Variants in RECK observed in about 807,000 individuals in gnomAD.
RECK encodes the protein reversion inducing cysteine rich protein with kazal motifs, also known as reversion-inducing cysteine-rich protein with Kazal motifs.
In RECK, 69 loss-of-function variants were observed where a neutral mutation model predicts 115.1. That is an observed-to-expected ratio of 0.60 (90% CI 0.49 to 0.73). RECK has a LOEUF of 0.73. Ranked by LOEUF, RECK falls within the 30% of genes least tolerant of loss-of-function variation. The pLI is 0.00. For missense variants in RECK, 1,047 were observed against 1,203.7 expected, an observed-to-expected ratio of 0.87 and a Z score of 1.93; for synonymous variants, 414 against 419.7, an observed-to-expected ratio of 0.99 and a Z score of 0.17.
At chr9:36,067,500 A>G (rs1822054165) in intron 6 of RECK, among the ~76,000 whole-genome samples, 1 of 152,164 alleles carries the variant, frequency 6.6e-6, no homozygotes, top group Non-Finnish European at 1.5e-5. Flanking sequence ...GGGATTTGCT[A>G]AGAAATTTAC....
chr9:36,068,335 A>C (rs1177271880), intron 6 of RECK, among the ~76,000 whole-genome samples: 1 of 152,226 alleles, frequency 6.6e-6, no homozygotes, highest in Non-Finnish European at 1.5e-5. Flanking sequence ...GATGGATTGA[A>C]TATAGATGGT....
chr9:36,107,861 A>G lies in RECK; in HGVS notation c.1577-115A>G, dbSNP rs1040952844. The G allele has an allele frequency of 3.3e-5, 23 of 701,164 alleles. No homozygotes were observed. The African/African-American group carries it at 3.9e-4, about 12-fold the overall frequency. The allele number at this position is 701,164 out of a possible 1,614,324, so 43.4% of individuals were successfully genotyped here. ...CTTAATTTGGTGAAAGTTCTATTAC[A>G]TAATCTTTAATAGTGATTTAGTACC... On this transcript the variant is annotated intron_variant, in intron 13 of 20. Transcript: ENST00000377966.
At chr9:36,077,119 A>T (rs1822481301) in intron 6 of RECK, among the ~76,000 whole-genome samples, 1 of 152,128 alleles carries the variant, frequency 6.6e-6, no homozygotes, top group African/African-American at 2.4e-5. Context: ...GTTTTGACCT[A>T]TTCTTGACTA....
chr9:36,069,266 G>A (rs1408639360), intron 6 of RECK, among the ~76,000 whole-genome samples: 1 of 152,080 alleles, frequency 6.6e-6, no homozygotes, highest in Non-Finnish European at 1.5e-5. Flanking sequence ...CAGGCCGGGT[G>A]CGGTGGCTCA....
At chr9:36,120,091 C>T (rs1478559678) in intron 18 of RECK, among the ~76,000 whole-genome samples, 2 of 151,972 alleles carry the variant, frequency 1.3e-5, no homozygotes, top group Middle Eastern at 3.4e-3. Flanking sequence ...AAAAATTAGC[C>T]GGGCATGGTG....
At chr9:36,048,853 C>T (rs1821175120) in intron 1 of RECK, among the ~76,000 whole-genome samples, 1 of 152,142 alleles carries the variant, frequency 6.6e-6, no homozygotes. Flanking sequence ...TCAGCATCTA[C>T]CCCGCAAGTT....
chr9:36,109,428 A>C (rs977540264), intron 14 of RECK, among the ~76,000 whole-genome samples: 12 of 152,224 alleles, frequency 7.9e-5, no homozygotes, highest in African/African-American at 2.9e-4. Flanking sequence ...ACATTCTTAG[A>C]GGATAGGGAG....
intron 1 of RECK, 65 bp from the exon 2 acceptor site, chr9:36,052,200 C>G (rs1821333943): frequency 2.1e-6 from 2 of 944,646 alleles, no homozygotes; most frequent in Non-Finnish European, 3.5e-6. Context: ...GTGTAACCAT[C>G]TGAATTAGCT....
Position 36,121,804 on chromosome 9 carries a change from T to C in RECK, c.2694+116T>C. On this transcript the variant is annotated intron_variant, in intron 20 of 20. Transcript: ENST00000377966. ...ATCCGTGGGTGAGGGAGTGGAGGCA[T>C]TTGGGAAGTTCAGCGGGACAGGAGG... 1.3e-5 allele frequency: 14 copies of C among 1,102,696 alleles called. 1 individual carries two copies. The South Asian group carries it at 2.1e-4, about 17-fold the overall frequency. 68.3% of individuals were successfully genotyped at this position (1,102,696 alleles called of 1,614,324 possible). A position where few individuals can be genotyped will look rare whatever the true frequency, so the allele number is the denominator to read the frequency against.
chr9:36,118,582 G>C (rs181646396), intron 17 of RECK, among the ~76,000 whole-genome samples, 175 bp from the exon 18 acceptor site: 9 of 152,214 alleles, frequency 5.9e-5, no homozygotes, highest in African/African-American at 1.9e-4. Context: ...CCATATTGCT[G>C]CCCACGCCAC....
In RECK at chr9:36,114,017, C is replaced by T. The variant is rs73648714; in HGVS notation, c.2060+1541C>T. Among the ~76,000 whole-genome samples, 784 of 152,294 alleles carry T rather than the reference C, an allele frequency of 5.1e-3. 9 individuals carry two copies. The highest frequency in any genetic ancestry group is 0.018 in the African/African-American group (740 of 41,560). ...ATGTGGTCATTCAGAGACGTGGGAT[C>T]CTTCCATATAGTGACCCAGTCTTCT... On this transcript the variant is annotated intron_variant, in intron 16 of 20. Coordinates refer to ENST00000377966, the MANE Select transcript of RECK (RefSeq NM_021111.3).
chr9:36,044,219 T>C (rs1054362898), intron 1 of RECK, among the ~76,000 whole-genome samples: 1 of 146,312 alleles, frequency 6.8e-6, no homozygotes, highest in African/African-American at 2.7e-5. Context: ...TATTTTATTT[T>C]ATTTTTTTTT....
At chr9:36,104,326 A>ATATATAT (rs1267835561) in intron 12 of RECK, among the ~76,000 whole-genome samples, 1 of 27,516 alleles carries the variant, frequency 3.6e-5, no homozygotes, top group Non-Finnish European at 5.7e-5. Context: ...ATATATATAT[A>ATATATAT]TTTTTTTTTT....
At chr9:36,044,219 TA>T (rs201902937) in intron 1 of RECK, among the ~76,000 whole-genome samples, 26 of 146,386 alleles carry the variant, frequency 1.8e-4, no homozygotes, top group African/African-American at 6.4e-4. Context: ...TATTTTATTT[TA>T]TTTTTTTTTT....
In RECK at chr9:36,117,061, C is replaced by A. The variant is rs370905430; in HGVS notation, c.2137C>A (p.Gln713Lys). Residue 713 changes from glutamine (Q) to lysine (K), a missense_variant, in exon 17 of 21, where the codon CAG (glutamine) becomes AAG (lysine). Physicochemically the swap from Gln to Lys is moderately conservative, Grantham distance 53 (BLOSUM62 1). Transcript: ENST00000377966. ...TAGCCAGTATGAGTGTGTACCAAGA[C>A]AGCTCGCGTGTGACCAGGTCCAAGA... ...GCSQYECVPRQLACDQVQDPV... is the reference protein window; with the variant it reads ...GCSQYECVPRKLACDQVQDPV... The A allele has an allele frequency of 1.9e-6, 3 of 1,614,040 alleles. No homozygotes were observed. Among genetic ancestry groups the A allele is most frequent in the Non-Finnish European group, 2.5e-6 (3 of 1,180,008 alleles).
At chr9:36,064,977 A>G (rs940531332) in intron 5 of RECK, among the ~76,000 whole-genome samples, 3 of 152,110 alleles carry the variant, frequency 2.0e-5, no homozygotes, top group African/African-American at 7.2e-5. Context: ...ATAGCTTGCT[A>G]CTTCTCTAAG....
chr9:36,063,824 G>A lies in RECK; in HGVS notation c.301G>A (p.Gly101Ser). ...GTTTAAGAAGTCTGATGGCTGGGTT[G>A]GCTTAGGCTGCTGTGAACTGGCTAT... ...GVFKKSDGWV[G>S]LGCCELAIAL... The change falls in exon 5 of 21, where the codon GGC becomes AGC. Residue 101 changes from glycine (G) to serine (S), a missense_variant. Coordinates refer to ENST00000377966, the MANE Select transcript of RECK (RefSeq NM_021111.3). The A allele has an allele frequency of 6.2e-7, 1 of 1,613,962 alleles. No individual in the cohort carries two copies. Among genetic ancestry groups the A allele is most frequent in the South Asian group, 1.1e-5 (1 of 91,068 alleles).
intron 16 of RECK, among the ~76,000 whole-genome samples, chr9:36,116,033 G>A (rs1824245994): frequency 6.6e-6 from 1 of 151,932 alleles, no homozygotes; most frequent in African/African-American, 2.4e-5. Context: ...GCTTCATGGT[G>A]GCATTCTCTC....
intron 2 of RECK, chr9:36,056,921 G>A (rs1821551900): frequency 1.1e-6 from 1 of 951,724 alleles, no homozygotes; most frequent in Non-Finnish European, 1.3e-6. Context: ...TGGTAGTTTT[G>A]GAGGAAAATG....
Sources: gnomAD v4.1 joint callset for allele counts (sites outside exome capture counted in the v4.1 genomes callset) on GRCh38, gnomAD v4.1.1 for gene constraint, MANE v1.5 for transcripts, NCBI Gene and HGNC (gene_info 2026-07-23, HGNC 2026-07-21) for gene names.